The following GRIN3A variants were observed in gnomAD, a reference collection of about 807,000 sequenced individuals.
GRIN3A encodes glutamate ionotropic receptor NMDA type subunit 3A, also known as glutamate receptor ionotropic, NMDA 3A.
GRIN3A carries 47 observed loss-of-function variants against 92.4 expected under a neutral mutation model. That is an observed-to-expected ratio of 0.51 (90% CI 0.40 to 0.65). The LOEUF is 0.65. Ranked by LOEUF, GRIN3A falls within the 30% of genes least tolerant of loss-of-function variation. The pLI is 0.00. For synonymous variants in GRIN3A, 527 were observed against 540.6 expected (o/e 0.97, Z 0.35); for missense variants, 1,324 against 1,393.1 (o/e 0.95, Z 0.79).
chr9:101,685,045 T>C (rs1256786294), intron 2 of GRIN3A, among the ~76,000 whole-genome samples: 2 of 152,114 alleles, frequency 1.3e-5, no homozygotes, highest in Non-Finnish European at 2.9e-5. Context: ...CTTATGGAAA[T>C]TATAATATGG....
rs78814567 is a variant in GRIN3A, at chr9:101,663,770, C to T, written c.2352+6290G>A. On this transcript the variant is annotated intron_variant, in intron 3 of 8. Coordinates refer to ENST00000361820, the MANE Select transcript of GRIN3A (RefSeq NM_133445.3). ...AATTTTTAATATTTACTTGAATGTT[C>T]GCCAGGACTGTGTTTCTAAAACAGT... Among the ~76,000 whole-genome samples the T allele has an allele frequency of 9.9e-5, 15 of 151,562 alleles. No homozygotes were observed. In the East Asian group the frequency reaches 2.7e-3, roughly 28 times the overall value.
In GRIN3A at chr9:101,573,390, C is replaced by T; in HGVS notation, c.3132G>A (p.Gln1044=). The T allele has an allele frequency of 6.2e-7, 1 of 1,614,058 alleles. No individual in the cohort carries two copies. Among genetic ancestry groups the T allele is most frequent in the Non-Finnish European group, 8.5e-7 (1 of 1,179,978 alleles). ...TTCTCCTTGGAGGGAGGGGGATGTC[C>T]TGGTGGATCCGGATGCCCAGCTGGT... ...GQNQLGIRIH[Q]DIPLPPRRRE... The change falls in exon 9 of 9, where the codon CAG becomes CAA. Residue 1044 remains glutamine (Q), a synonymous_variant. Transcript: ENST00000361820.
At chr9:101,732,765 T>C (rs1364134481) in intron 1 of GRIN3A, among the ~76,000 whole-genome samples, 7 of 152,194 alleles carry the variant, frequency 4.6e-5, no homozygotes, top group Admixed American at 4.6e-4. Context: ...GTTATTTGGG[T>C]AACACTATAA....
intron 3 of GRIN3A, among the ~76,000 whole-genome samples, chr9:101,630,189 T>C (rs1828692828): frequency 6.6e-6 from 1 of 151,978 alleles, no homozygotes; most frequent in Non-Finnish European, 1.5e-5. Flanking sequence ...ACAACAACAA[T>C]GAAAAAACTA....
chr9:101,641,661 A>T (rs1828865352), intron 3 of GRIN3A, among the ~76,000 whole-genome samples: 1 of 152,084 alleles, frequency 6.6e-6, no homozygotes, highest in Admixed American at 6.6e-5. Flanking sequence ...GGATAGCATT[A>T]GGAGATATAC....
chr9:101,654,068 CT>C (rs1829049689), intron 3 of GRIN3A, among the ~76,000 whole-genome samples: 1 of 151,726 alleles, frequency 6.6e-6, no homozygotes, highest in Admixed American at 6.6e-5. Context: ...ATTGAATCCT[CT>C]TGGTCTCTTT....
intron 8 of GRIN3A, among the ~76,000 whole-genome samples, chr9:101,576,716 C>G (rs1049024751): frequency 6.6e-6 from 1 of 152,070 alleles, no homozygotes; most frequent in African/African-American, 2.4e-5. Context: ...TTGTCACTAA[C>G]ACACTTGCAA....
intron 3 of GRIN3A, among the ~76,000 whole-genome samples, chr9:101,641,528 G>T (rs1828863032): frequency 6.6e-6 from 1 of 150,816 alleles, no homozygotes. Context: ...ACTATCGCAA[G>T]AACAAAAAAC....
rs753756891 is a variant in GRIN3A, at chr9:101,679,938, C to T, written c.1304+6658G>A. 2.6e-4 allele frequency among the ~76,000 whole-genome samples: 40 copies of T among 152,138 alleles called. 1 individual carries two copies. Among genetic ancestry groups the T allele is most frequent in the Admixed American group, 1.2e-3 (19 of 15,282 alleles). On this transcript the variant is annotated intron_variant, in intron 2 of 8. Coordinates refer to ENST00000361820, the MANE Select transcript of GRIN3A (RefSeq NM_133445.3). ...TTAAGAAAATTACTGTATGCAGATG[C>T]GATTTGTATAGCTTCAGGCTGAAAG...
intron 2 of GRIN3A, among the ~76,000 whole-genome samples, chr9:101,684,366 C>G (rs918145703): frequency 4.6e-5 from 7 of 151,098 alleles, no homozygotes; most frequent in African/African-American, 9.7e-5. Context: ...CCACCTCGGC[C>G]TCCCAAAGTG....
At chr9:101,689,486 C>T (rs1243407665) in intron 1 of GRIN3A, among the ~76,000 whole-genome samples, 1 of 151,898 alleles carries the variant, frequency 6.6e-6, no homozygotes, top group African/African-American at 2.4e-5. Flanking sequence ...AATGAAGACC[C>T]CTACAATGGA....
intron 1 of GRIN3A, among the ~76,000 whole-genome samples, chr9:101,699,758 A>G (rs1424459781): frequency 1.3e-5 from 2 of 152,128 alleles, no homozygotes; most frequent in African/African-American, 4.8e-5. Context: ...TTGAAGAACA[A>G]CAGTGGTGTT....
intron 3 of GRIN3A, among the ~76,000 whole-genome samples, chr9:101,632,667 T>A (rs868394539): frequency 6.6e-6 from 1 of 152,156 alleles, no homozygotes; most frequent in African/African-American, 2.4e-5. Context: ...TGTGAGATTA[T>A]ATTGAAAAAT....
At chr9:101,636,134 C>T (rs541239903) in intron 3 of GRIN3A, among the ~76,000 whole-genome samples, 1 of 152,172 alleles carries the variant, frequency 6.6e-6, no homozygotes, top group African/African-American at 2.4e-5. Flanking sequence ...CTGCCTGCTT[C>T]GGCCTCCCAA....
chr9:101,683,008 C>CT (rs1308598158), intron 2 of GRIN3A, among the ~76,000 whole-genome samples: 2 of 152,100 alleles, frequency 1.3e-5, no homozygotes, highest in African/African-American at 4.8e-5. Flanking sequence ...CAAAACAAAA[C>CT]TTGTAAATAT....
At chr9:101,606,217 A>G (rs1443258432) in intron 6 of GRIN3A, among the ~76,000 whole-genome samples, 1 of 152,198 alleles carries the variant, frequency 6.6e-6, no homozygotes, top group Admixed American at 6.5e-5. Context: ...TTCATCTGCC[A>G]TGAGGGACAG....
chr9:101,727,382 T>G lies in GRIN3A; in HGVS notation c.699+9899A>C, dbSNP rs577634134. On this transcript the variant is annotated intron_variant, in intron 1 of 8. Coordinates refer to ENST00000361820, the MANE Select transcript of GRIN3A (RefSeq NM_133445.3). ...AGGTGATTTGGATTCTTTGGCATTTTATTAAATCTTAGAATTATCCACAAA... is the reference window on the plus strand; with the variant it reads ...AGGTGATTTGGATTCTTTGGCATTTGATTAAATCTTAGAATTATCCACAAA... Among the ~76,000 whole-genome samples, 3 of 152,340 alleles carry G rather than the reference T, an allele frequency of 2.0e-5. No individual in the cohort carries two copies. In the South Asian group the frequency reaches 6.2e-4, roughly 32 times the overall value.
At chr9:101,721,986 G>A (rs1199915992) in intron 1 of GRIN3A, among the ~76,000 whole-genome samples, 2 of 152,224 alleles carry the variant, frequency 1.3e-5, no homozygotes, top group Non-Finnish European at 2.9e-5. Context: ...AGAGCCTAAT[G>A]TTAATCCACA....
At chr9:101,577,225 C>A (rs1222276104) in intron 8 of GRIN3A, among the ~76,000 whole-genome samples, 1 of 152,144 alleles carries the variant, frequency 6.6e-6, no homozygotes, top group East Asian at 1.9e-4. Flanking sequence ...ATTTCCAATA[C>A]TCTGTTCCTA....
Sources: gnomAD v4.1 joint callset for allele counts (sites outside exome capture counted in the v4.1 genomes callset) on GRCh38, gnomAD v4.1.1 for gene constraint, MANE v1.5 for transcripts, NCBI Gene and HGNC (gene_info 2026-07-23, HGNC 2026-07-21) for gene names.